The following THUMPD2 variants were observed in gnomAD, a reference collection of about 807,000 sequenced individuals.
THUMPD2 encodes the protein THUMP domain 2 tRNA and snRNA guanosine methyltransferase, also known as U6 snRNA (guanine-N(2))-methyltransferase THUMPD2.
In THUMPD2, 56 loss-of-function variants were observed where a neutral mutation model predicts 49.4. The observed-to-expected ratio is 1.13, with a 90% confidence interval of 0.91 to 1.41. THUMPD2 has a LOEUF of 1.41. THUMPD2 is among the 40% of genes most tolerant of loss of function. The pLI is 0.00. For missense variants in THUMPD2, 709 were observed against 594.5 expected (o/e 1.19, Z -2.00); for synonymous variants, 237 against 205.2 (o/e 1.15, Z -1.32).
chr2:39,738,343 G>T (rs947030623), intron 9 of THUMPD2, among the ~76,000 whole-genome samples: 3 of 152,070 alleles, frequency 2.0e-5, no homozygotes, highest in African/African-American at 4.8e-5. Context: ...TGGGAGGATC[G>T]CTTGAGCACA....
chr2:39,776,446 T>G (rs903743720), intron 1 of THUMPD2, among the ~76,000 whole-genome samples: 4 of 150,112 alleles, frequency 2.7e-5, no homozygotes, highest in African/African-American at 9.8e-5. Flanking sequence ...CAGGCTGGAG[T>G]GCAGTGGCGC....
intron 5 of THUMPD2, among the ~76,000 whole-genome samples, chr2:39,763,604 A>G (rs1244785254): frequency 6.6e-6 from 1 of 151,794 alleles, no homozygotes; most frequent in Non-Finnish European, 1.5e-5. Context: ...CTATTTTTTG[A>G]TTTCATGGCC....
chr2:39,737,585 G>A (rs1673270047), intron 9 of THUMPD2, among the ~76,000 whole-genome samples: 1 of 152,226 alleles, frequency 6.6e-6, no homozygotes, highest in Non-Finnish European at 1.5e-5. Context: ...ACATAGCCCT[G>A]TAAGTTGCCA....
At chr2:39,765,686 G>T (rs993423145) in intron 5 of THUMPD2, among the ~76,000 whole-genome samples, 2 of 151,672 alleles carry the variant, frequency 1.3e-5, no homozygotes, top group Admixed American at 6.6e-5. Flanking sequence ...AATTGTCAAA[G>T]AATTTAAAAA....
chr2:39,765,201 C>A (rs903213159), intron 5 of THUMPD2, among the ~76,000 whole-genome samples: 4 of 151,958 alleles, frequency 2.6e-5, no homozygotes, highest in Non-Finnish European at 5.9e-5. Flanking sequence ...ACTCTGTCAC[C>A]CACGCTGGAG....
chr2:39,743,793 A>T (rs553921257), intron 9 of THUMPD2, among the ~76,000 whole-genome samples: 1 of 152,360 alleles, frequency 6.6e-6, no homozygotes, highest in East Asian at 1.9e-4. Context: ...TACAGACTGC[A>T]GAATCATGAG....
chr2:39,774,845 A>G (rs533342225), intron 1 of THUMPD2, among the ~76,000 whole-genome samples: 2 of 152,302 alleles, frequency 1.3e-5, no homozygotes, highest in Admixed American at 6.5e-5. Context: ...GTATCTAAAA[A>G]CAGCTGGTTT....
chr2:39,744,538 A>G, intron 8 of THUMPD2, 60 bp from the exon 9 acceptor site: 1 of 1,105,234 alleles, frequency 9.0e-7, no homozygotes, highest in Non-Finnish European at 1.3e-6. Flanking sequence ...CAACTTAAAT[A>G]ATGAGAAAAT....
Position 39,745,824 on chromosome 2 carries a change from T to TA in THUMPD2, c.1079-1347dup, listed in dbSNP as rs940018415. Among the ~76,000 whole-genome samples the TA allele has an allele frequency of 6.6e-5, 10 of 152,100 alleles. No individual in the cohort carries two copies. In the South Asian group the frequency reaches 1.0e-3, roughly 16 times the overall value. On this transcript the variant is annotated intron_variant, in intron 8 of 9. Transcript: ENST00000505747. The stretch of plus-strand genomic sequence containing the variant: ...CATATAGATGGAAGAGAATAATTTT[T>TA]AAAAAAAATCTCCAGAACTAAGCAG...
intron 9 of THUMPD2, among the ~76,000 whole-genome samples, chr2:39,742,834 C>G (rs898060867): frequency 3.9e-5 from 6 of 152,072 alleles, no homozygotes; most frequent in Non-Finnish European, 8.8e-5. Context: ...TTTAAAAGCT[C>G]CTGAAATGAT....
chr2:39,768,283 A>G, intron 4 of THUMPD2, 141 bp downstream of exon 4: 3 of 700,076 alleles, frequency 4.3e-6, no homozygotes, highest in Non-Finnish European at 4.9e-6. Context: ...TTCTACTGCT[A>G]AAGATAAAAT....
At chr2:39,773,966 A>G (rs924835289) in intron 1 of THUMPD2, among the ~76,000 whole-genome samples, 25 of 152,236 alleles carry the variant, frequency 1.6e-4, no homozygotes, top group African/African-American at 6.0e-4. Context: ...AAGAAAAAAT[A>G]CCAATTCCCA....
Position 39,736,361 on chromosome 2 carries a change from C to T in THUMPD2, c.*374G>A, listed in dbSNP as rs1015513354. Reference sequence around the variant, plus strand: ...AAGAAGTTACACATAAAGGTTTTTACATTTCCGAAAATCTGATAGTTAAAA... The same window carrying T: ...AAGAAGTTACACATAAAGGTTTTTATATTTCCGAAAATCTGATAGTTAAAA... On this transcript the variant is annotated 3_prime_UTR_variant, in exon 10 of 10. Coordinates refer to ENST00000505747, the MANE Select transcript of THUMPD2 (RefSeq NM_025264.5). The T allele has an allele frequency of 6.2e-6, 1 of 161,648 alleles. No homozygotes were observed. The highest frequency in any genetic ancestry group is 2.4e-5 in the African/African-American group (1 of 41,818). The allele number at this position is 161,648 out of a possible 1,614,324, so 10.0% of individuals were successfully genotyped here.
rs1025983503 is a variant in THUMPD2 at position 39,776,481 on chromosome 2, C to A, written c.126+2633G>T. On this transcript the variant is annotated intron_variant, in intron 1 of 9. Coordinates refer to ENST00000505747, the MANE Select transcript of THUMPD2 (RefSeq NM_025264.5). The stretch of plus-strand genomic sequence containing the variant: ...CGATCTTGGCTCACTGCAACCTCCG[C>A]CTCCAAGGTTCAAGCAATTCTCGTG... Among the ~76,000 whole-genome samples the A allele has an allele frequency of 3.3e-5, 5 of 151,698 alleles. No individual in the cohort carries two copies. The East Asian group carries it at 9.7e-4, about 29-fold the overall frequency.
intron 1 of THUMPD2, 68 bp downstream of exon 1, chr2:39,779,046 A>G (rs760539556): frequency 4.6e-5 from 63 of 1,382,722 alleles, no homozygotes; most frequent in Non-Finnish European, 5.6e-5. Flanking sequence ...CGCGTCCACG[A>G]CTGGGGTGGG....
Position 39,736,887 on chromosome 2 carries a change from C to G in THUMPD2, c.1360G>C (p.Ala454Pro). ...PEEKTGAFKTASTSFEASNHK... is the reference protein window; with the variant it reads ...PEEKTGAFKTPSTSFEASNHK... ...TTACTGGCTTCGAATGAAGTTGACG[C>G]TGTCTTGAATGCACCAGTTTTTTCT... Residue 454 changes from alanine (A) to proline (P), a missense_variant, in exon 10 of 10, where the codon GCG (alanine) becomes CCG (proline). By Grantham distance (27) the Ala-to-Pro change is conservative. Coordinates refer to ENST00000505747, the MANE Select transcript of THUMPD2 (RefSeq NM_025264.5). 1 of 1,614,196 alleles carries G rather than the reference C, an allele frequency of 6.2e-7. No homozygotes were observed. Among genetic ancestry groups the G allele is most frequent in the Non-Finnish European group, 8.5e-7 (1 of 1,180,030 alleles).
intron 1 of THUMPD2, among the ~76,000 whole-genome samples, chr2:39,772,113 G>A (rs572163161): frequency 2.7e-4 from 41 of 152,274 alleles, no homozygotes; most frequent in African/African-American, 2.2e-4. Context: ...TATGAAAGCC[G>A]ACATTACAAA....
At chr2:39,771,740 C>A (rs531583838) in intron 1 of THUMPD2, 100 bp from the exon 2 acceptor site, 4 of 1,253,772 alleles carry the variant, frequency 3.2e-6, no homozygotes, top group African/African-American at 1.5e-5. Context: ...TAAAAATAAC[C>A]ATTTCTGAAG....
intron 6 of THUMPD2, among the ~76,000 whole-genome samples, chr2:39,757,809 T>A: frequency 6.6e-6 from 1 of 152,236 alleles, no homozygotes; most frequent in East Asian, 1.9e-4. Context: ...ATCCCATTTT[T>A]AAATTTCATT....
Sources: allele counts gnomAD v4.1 joint callset (sites outside exome capture counted in the v4.1 genomes callset), GRCh38; gene constraint gnomAD v4.1.1; transcripts MANE v1.5; gene names NCBI Gene and HGNC (gene_info 2026-07-23, HGNC 2026-07-21).